The following VPS45 variants were observed in gnomAD, a reference collection of about 807,000 sequenced individuals.
VPS45 encodes the protein vacuolar protein sorting-associated protein 45.
Under a neutral mutation model 75.9 loss-of-function variants are expected in VPS45, and 35 were observed. That is an observed-to-expected ratio of 0.46 (90% confidence interval 0.35 to 0.61). VPS45 has a LOEUF of 0.61. Ranked by LOEUF, VPS45 falls within the 20% of genes least tolerant of loss-of-function variation. VPS45 has a pLI of 0.00. For missense variants in VPS45, 559 were observed against 685.9 expected, an observed-to-expected ratio of 0.81 and a Z score of 2.07; for synonymous variants, 220 against 238.2, an observed-to-expected ratio of 0.92 and a Z score of 0.70.
At chr1:150,115,985 T>C (rs1353904126) in intron 14 of VPS45, among the ~76,000 whole-genome samples, 3 of 152,206 alleles carry the variant, frequency 2.0e-5, no homozygotes, top group African/African-American at 7.2e-5. Context: ...CCCTTAGCAA[T>C]TCCTCTCACT....
intron 2 of VPS45, among the ~76,000 whole-genome samples, chr1:150,069,835 T>C (rs1654944482): frequency 6.6e-6 from 1 of 152,198 alleles, no homozygotes; most frequent in Non-Finnish European, 1.5e-5. Context: ...CTTTCCAAAA[T>C]GCAAATTTGA....
intron 14 of VPS45, among the ~76,000 whole-genome samples, chr1:150,136,236 G>A (rs1291771712): frequency 2.4e-5 from 2 of 81,928 alleles, no homozygotes; most frequent in Non-Finnish European, 4.9e-5. Context: ...GCAACAGAGT[G>A]AGACTCTGTC....
chr1:150,103,543 A>G (rs781998861), intron 13 of VPS45, among the ~76,000 whole-genome samples: 2 of 152,190 alleles, frequency 1.3e-5, no homozygotes, highest in South Asian at 4.1e-4. Flanking sequence ...TTACATGTAT[A>G]TAACCTACAC....
rs368961362 is a variant in VPS45, at chr1:150,111,366, G to A, written c.1625+739G>A. Among the ~76,000 whole-genome samples, 57 of 152,302 alleles carry A rather than the reference G, an allele frequency of 3.7e-4. No homozygotes were observed. In the South Asian group the frequency reaches 0.011, roughly 30 times the overall value. ...AGGCAACATACATACACAAAGAACA[G>A]CAAATAGTTGACTAGCTGGAATGTG... On this transcript the variant is annotated intron_variant, in intron 14 of 14. Transcript: ENST00000644510.
chr1:150,125,532 G>A (rs922887523), intron 14 of VPS45, among the ~76,000 whole-genome samples: 1 of 143,050 alleles, frequency 7.0e-6, no homozygotes, highest in African/African-American at 2.6e-5. Context: ...CCATCATTCT[G>A]AGCAAACTAT....
intron 14 of VPS45, among the ~76,000 whole-genome samples, chr1:150,128,511 C>G (rs1553811390): frequency 6.6e-6 from 1 of 152,064 alleles, no homozygotes; most frequent in Non-Finnish European, 1.5e-5. Context: ...GGGGCTGATT[C>G]AATTTGTGTT....
In VPS45 at chr1:150,134,632, G is replaced by C. The variant is rs587738065; in HGVS notation, c.1626-10077G>C. 3.3e-5 allele frequency among the ~76,000 whole-genome samples: 5 copies of C among 152,140 alleles called. No individual in the cohort carries two copies. The South Asian group carries it at 1.0e-3, about 32-fold the overall frequency. ...GTATTTCTAAATAACACATTGTTTA[G>C]TTTTGCTTGTTTTTGAGCTTTATAA... On this transcript the variant is annotated intron_variant, in intron 14 of 14. Transcript: ENST00000644510.
intron 14 of VPS45, among the ~76,000 whole-genome samples, chr1:150,144,377 A>G (rs1190296845): frequency 6.6e-6 from 1 of 152,196 alleles, no homozygotes; most frequent in East Asian, 1.9e-4. Context: ...CTGATGTAAC[A>G]TGGTACTGAG....
Position 150,070,866 on chromosome 1 carries a change from T to G in VPS45, c.229-1300T>G, listed in dbSNP as rs587705584. On this transcript the variant is annotated intron_variant, in intron 2 of 14. Transcript: ENST00000644510. ...TTTTTAAAAAAGAATCTTTCCTTTT[T>G]CTTTTTCCTCTTTTATATATTCTCT... Among the ~76,000 whole-genome samples, 8 of 151,988 alleles carry G rather than the reference T, an allele frequency of 5.3e-5. No individual in the cohort carries two copies. In the South Asian group the frequency reaches 1.7e-3, roughly 31 times the overall value.
chr1:150,086,286 ATTG>A lies in VPS45; in HGVS notation c.1104+3408_1104+3410del, dbSNP rs587674836. 5.3e-5 allele frequency among the ~76,000 whole-genome samples: 8 copies of A among 152,224 alleles called. No individual in the cohort carries two copies. The South Asian group carries it at 1.4e-3, about 28-fold the overall frequency. On this transcript the variant is annotated intron_variant, in intron 10 of 14. Transcript: ENST00000644510. ...GAAAAATAATAGTACTTACCTCAGA[ATTG>A]TTGTGAGAGTGCAATGAGCTAATAC...
chr1:150,085,426 T>C (rs1258107261), intron 10 of VPS45, among the ~76,000 whole-genome samples: 2 of 152,176 alleles, frequency 1.3e-5, no homozygotes, highest in African/African-American at 4.8e-5. Context: ...TTTAAAAATA[T>C]AAATTCTATT....
chr1:150,099,332 T>TAA (rs1181008396), intron 13 of VPS45, among the ~76,000 whole-genome samples: 2 of 144,574 alleles, frequency 1.4e-5, no homozygotes, highest in African/African-American at 5.1e-5. Flanking sequence ...TTGTCTCTAC[T>TAA]AAAAAAAAAA....
At chr1:150,130,172 A>G (rs1175580048) in intron 14 of VPS45, among the ~76,000 whole-genome samples, 1 of 134,882 alleles carries the variant, frequency 7.4e-6, no homozygotes, top group Non-Finnish European at 1.6e-5. Flanking sequence ...GCACACATAT[A>G]TATCTATATA....
chr1:150,100,619 G>A (rs1216504288), intron 13 of VPS45, among the ~76,000 whole-genome samples: 2 of 152,134 alleles, frequency 1.3e-5, no homozygotes, highest in Non-Finnish European at 2.9e-5. Context: ...AGCATGGTAT[G>A]GGTACAAAAA....
At chr1:150,076,183 T>C in intron 3 of VPS45, 50 bp from the exon 4 acceptor site, 1 of 1,477,950 alleles carries the variant, frequency 6.8e-7, no homozygotes, top group Non-Finnish European at 9.3e-7. Flanking sequence ...TTTACATATA[T>C]TGCAGCAGAA....
chr1:150,067,972 AT>A, intron 1 of VPS45, 22 bp downstream of exon 1: 1 of 1,607,798 alleles, frequency 6.2e-7, no homozygotes, highest in Non-Finnish European at 8.5e-7. Context: ...TTTGCTCAGC[AT>A]TTGTGAAGGA....
intron 13 of VPS45, among the ~76,000 whole-genome samples, chr1:150,101,686 A>G (rs1368335231): frequency 1.3e-5 from 2 of 151,766 alleles, no homozygotes; most frequent in African/African-American, 4.8e-5. Flanking sequence ...GTGAGCTGAG[A>G]TCGCATCATT....
chr1:150,082,601 G>T (rs2101538202), intron 9 of VPS45, 115 bp from the exon 10 acceptor site: 1 of 1,289,514 alleles, frequency 7.8e-7, no homozygotes, highest in South Asian at 1.5e-5. Context: ...GAAAGTTGTA[G>T]ATGCTTTAAT....
intron 13 of VPS45, among the ~76,000 whole-genome samples, chr1:150,106,826 T>G (rs1372982693): frequency 6.6e-6 from 1 of 152,216 alleles, no homozygotes; most frequent in African/African-American, 2.4e-5. Context: ...CCACAGTCAC[T>G]GTCTTCTGTT....
Sources: gnomAD v4.1 joint callset for allele counts (sites outside exome capture counted in the v4.1 genomes callset) on GRCh38, gnomAD v4.1.1 for gene constraint, MANE v1.5 for transcripts, NCBI Gene and HGNC (gene_info 2026-07-23, HGNC 2026-07-21) for gene names.